The following NCOA1 variants were observed in gnomAD, a reference collection of about 807,000 sequenced individuals.
NCOA1 encodes the protein nuclear receptor coactivator 1, also known as Hin-2 protein.
A neutral mutation model predicts 150.9 loss-of-function variants in NCOA1; 35 were observed. The observed-to-expected ratio is 0.23, with a 90% CI of 0.18 to 0.31. The LOEUF (loss-of-function observed/expected upper bound fraction) is 0.31, where lower values mean the gene tolerates loss of function less well. NCOA1 is among the 10% of genes least tolerant of loss of function. The pLI is 1.00. For synonymous variants in NCOA1, 590 were observed against 630.0 expected (o/e 0.94, Z 0.95); for missense variants, 1,491 against 1,749.3 (o/e 0.85, Z 2.63).
chr2:24,744,192 A>G (rs1001390706), intron 19 of NCOA1, among the ~76,000 whole-genome samples: 6 of 152,210 alleles, frequency 3.9e-5, no homozygotes, highest in Non-Finnish European at 8.8e-5. Flanking sequence ...GCCACCTATC[A>G]TGAGTATCTG....
chr2:24,701,173 T>G (rs1673140835), intron 11 of NCOA1, among the ~76,000 whole-genome samples: 2 of 152,064 alleles, frequency 1.3e-5, no homozygotes, highest in Admixed American at 6.5e-5. Flanking sequence ...TGGATCATCT[T>G]TTCTTGTCTT....
intron 1 of NCOA1, among the ~76,000 whole-genome samples, chr2:24,522,238 A>G (rs147921908): frequency 3.1e-3 from 479 of 152,254 alleles, no homozygotes; most frequent in Middle Eastern, 6.8e-3. Context: ...GAGTTTTCAT[A>G]ATGACTTAGT....
chr2:24,541,142 T>C (rs1298023584), intron 1 of NCOA1, among the ~76,000 whole-genome samples: 1 of 152,160 alleles, frequency 6.6e-6, no homozygotes, highest in African/African-American at 2.4e-5. Context: ...TGGGAAGTCA[T>C]GTATAAGTGA....
intron 22 of NCOA1, 48 bp from the exon 23 acceptor site, chr2:24,768,173 G>T: frequency 6.2e-7 from 1 of 1,610,492 alleles, no homozygotes. Flanking sequence ...CTCATAAGCC[G>T]GGGGGGCAGA....
intron 3 of NCOA1, among the ~76,000 whole-genome samples, chr2:24,614,273 G>T (rs1668777065): frequency 8.0e-6 from 1 of 124,294 alleles, no homozygotes. Context: ...GAGTACAGTG[G>T]TGTGATCACA....
intron 6 of NCOA1, 74 bp downstream of exon 6, chr2:24,665,989 TTATTATTATTATTATTA>T (rs1244459585): frequency 3.2e-5 from 24 of 749,438 alleles, no homozygotes; most frequent in Admixed American, 2.7e-4. Flanking sequence ...TTTTACTTTA[TTATTATTATTATTATTA>T]TTTTATTATT....
At chr2:24,760,289 G>A (rs1219042558) in intron 21 of NCOA1, among the ~76,000 whole-genome samples, 1 of 145,998 alleles carries the variant, frequency 6.8e-6, no homozygotes, top group Non-Finnish European at 1.5e-5. Context: ...ACAGGCACCC[G>A]CCACCATGCC....
chr2:24,553,713 T>C (rs1665961028), intron 1 of NCOA1, among the ~76,000 whole-genome samples: 3 of 152,224 alleles, frequency 2.0e-5, no homozygotes, highest in Admixed American at 2.0e-4. Context: ...TTTCCATCTA[T>C]GTTCATCAAA....
At chr2:24,636,206 A>T (rs534895882) in intron 3 of NCOA1, among the ~76,000 whole-genome samples, 2 of 152,270 alleles carry the variant, frequency 1.3e-5, no homozygotes, top group South Asian at 4.1e-4. Context: ...ACATCTTCAC[A>T]CTATTCAGTC....
chr2:24,571,262 T>C (rs575593639), intron 2 of NCOA1, among the ~76,000 whole-genome samples: 56 of 152,150 alleles, frequency 3.7e-4, no homozygotes, highest in Non-Finnish European at 3.5e-4. Flanking sequence ...CCCTAAACTT[T>C]TTGGAAAAAT....
At chr2:24,606,202 T>C (rs1051835181) in intron 3 of NCOA1, among the ~76,000 whole-genome samples, 1 of 151,886 alleles carries the variant, frequency 6.6e-6, no homozygotes, top group Non-Finnish European at 1.5e-5. Flanking sequence ...TATTTATACC[T>C]TCATAATTTT....
chr2:24,575,561 AT>A (rs1006141531), intron 2 of NCOA1, among the ~76,000 whole-genome samples: 11 of 143,296 alleles, frequency 7.7e-5, no homozygotes, highest in African/African-American at 2.3e-4. Flanking sequence ...TAAAGAGGCC[AT>A]TTTTTTTCTT....
At chr2:24,745,157 C>CTTTTTTTTT (rs201221705) in intron 19 of NCOA1, among the ~76,000 whole-genome samples, 26 of 131,682 alleles carry the variant, frequency 2.0e-4, no homozygotes, top group African/African-American at 4.5e-4. Context: ...TTTCTTTTTT[C>CTTTTTTTTT]TTTTTTTTTT....
intron 1 of NCOA1, among the ~76,000 whole-genome samples, chr2:24,509,864 A>T (rs1663858288): frequency 6.6e-6 from 1 of 152,252 alleles, no homozygotes; most frequent in Non-Finnish European, 1.5e-5. Flanking sequence ...TTATCTCTTT[A>T]GCTGGGTAGT....
At chr2:24,613,164 TG>T (rs1357552921) in intron 3 of NCOA1, among the ~76,000 whole-genome samples, 2 of 152,364 alleles carry the variant, frequency 1.3e-5, no homozygotes, top group African/African-American at 4.8e-5. Context: ...CTTTTGGCTT[TG>T]CTTCTATAGC....
chr2:24,712,541 CACTG>C lies in NCOA1; in HGVS notation c.2599+1436_2599+1439del, dbSNP rs141379094. 4.0e-3 allele frequency among the ~76,000 whole-genome samples: 604 copies of C among 152,234 alleles called. 4 individuals are homozygous for C. The highest frequency in any genetic ancestry group is 0.014 in the African/African-American group (576 of 41,526). Reference sequence around the variant, plus strand: ...AGCCCTCCCAGTCCATGTTTAAGAACACTGACTGAACAGACACAGTCAAGAATCA... The same window carrying C: ...AGCCCTCCCAGTCCATGTTTAAGAACACTGAACAGACACAGTCAAGAATCA... On this transcript the variant is annotated intron_variant, in intron 14 of 22. Coordinates refer to ENST00000348332, the MANE Select transcript of NCOA1 (RefSeq NM_003743.5).
chr2:24,721,369 C>G (rs767651297), intron 14 of NCOA1, among the ~76,000 whole-genome samples: 2 of 152,070 alleles, frequency 1.3e-5, no homozygotes, highest in Non-Finnish European at 2.9e-5. Flanking sequence ...GTTGACTTTT[C>G]TTGAATGTTT....
intron 1 of NCOA1, among the ~76,000 whole-genome samples, chr2:24,524,002 GA>G (rs1664550038): frequency 6.7e-6 from 1 of 148,464 alleles, no homozygotes; most frequent in Admixed American, 6.7e-5. Flanking sequence ...AGAGGAAGGA[GA>G]AAAGTTGTGA....
chr2:24,615,651 A>C (rs1668842211), intron 3 of NCOA1, among the ~76,000 whole-genome samples: 1 of 152,174 alleles, frequency 6.6e-6, no homozygotes, highest in African/African-American at 2.4e-5. Context: ...CTGGAGATAA[A>C]ACGGTGAGTG....
Sources: allele counts gnomAD v4.1 joint callset (sites outside exome capture counted in the v4.1 genomes callset), GRCh38; gene constraint gnomAD v4.1.1; transcripts MANE v1.5; gene names NCBI Gene and HGNC (gene_info 2026-07-23, HGNC 2026-07-21).